WDR27: variants seen among roughly 807,000 people sequenced by gnomAD.
WDR27 encodes WD repeat domain 27.
WDR27 carries 100 observed loss-of-function variants against 114.4 expected under a neutral mutation model. The observed-to-expected ratio is 0.87, with a 90% CI of 0.74 to 1.03. The LOEUF is 1.03. Among genes scored for constraint, WDR27 ranks in the 50% least tolerant of loss-of-function variants. The pLI, the probability that WDR27 is intolerant of heterozygous loss-of-function variation, is 0.00. For synonymous variants in WDR27, 449 were observed against 423.1 expected, an observed-to-expected ratio of 1.06 and a Z score of -0.75; for missense variants, 1,129 against 1,092.9, an observed-to-expected ratio of 1.03 and a Z score of -0.47.
intron 2 of WDR27, among the ~76,000 whole-genome samples, chr6:169,679,572 C>G (rs900104168): frequency 6.6e-6 from 1 of 152,102 alleles, no homozygotes; most frequent in African/African-American, 2.4e-5. Flanking sequence ...TGAGTGAGTT[C>G]TCATGAAATC....
chr6:169,640,824 G>A (rs111757874), intron 17 of WDR27, among the ~76,000 whole-genome samples: 2 of 119,678 alleles, frequency 1.7e-5, no homozygotes, highest in African/African-American at 7.0e-5. Context: ...CCACTGCCTG[G>A]CTGCAAGAGG....
intron 20 of WDR27, among the ~76,000 whole-genome samples, chr6:169,633,945 C>T (rs1176458655): frequency 2.0e-5 from 3 of 152,156 alleles, no homozygotes; most frequent in Admixed American, 2.0e-4. Flanking sequence ...AAACTTTATA[C>T]AATGAATTCC....
intron 25 of WDR27, among the ~76,000 whole-genome samples, chr6:169,524,018 A>G (rs148583821): frequency 0.015 from 2,286 of 152,246 alleles, 30 homozygotes; most frequent in Middle Eastern, 0.02. Flanking sequence ...CACAAATGAC[A>G]TGATCTTGTA....
intron 25 of WDR27, among the ~76,000 whole-genome samples, chr6:169,544,071 T>G (rs1443686999): frequency 1.3e-5 from 2 of 152,202 alleles, no homozygotes; most frequent in Non-Finnish European, 2.9e-5. Flanking sequence ...TATGATAAAC[T>G]CAGCAATTCA....
intron 14 of WDR27, 60 bp from the exon 15 acceptor site, chr6:169,649,335 G>T: frequency 7.1e-7 from 1 of 1,401,796 alleles, no homozygotes; most frequent in East Asian, 2.5e-5. Context: ...TTTCTTAAGA[G>T]ATTTATATTT....
chr6:169,526,863 C>A (rs1173012874), intron 25 of WDR27, among the ~76,000 whole-genome samples: 1 of 152,082 alleles, frequency 6.6e-6, no homozygotes, highest in Non-Finnish European at 1.5e-5. Context: ...ATAGACATTT[C>A]TCCAAAGAAG....
intron 4 of WDR27, 138 bp from the exon 5 acceptor site, chr6:169,668,323 C>T (rs910961378): frequency 1.2e-6 from 1 of 826,594 alleles, no homozygotes; most frequent in Non-Finnish European, 1.9e-6. Flanking sequence ...TAAAAGCCGA[C>T]ACTGACTGGA....
chr6:169,556,687 T>C (rs926448), intron 25 of WDR27, among the ~76,000 whole-genome samples: 147,463 of 152,316 alleles, frequency 0.97, 71,410 homozygotes, highest in African/African-American at 0.99. Context: ...AAGCAACCCA[T>C]AGATTAGGGG....
At chr6:169,552,653 G>C (rs978781892) in intron 25 of WDR27, among the ~76,000 whole-genome samples, 1 of 152,182 alleles carries the variant, frequency 6.6e-6, no homozygotes, top group Admixed American at 6.5e-5. Context: ...GCTCTAAATT[G>C]ATCAACTGCC....
At chr6:169,597,835 G>T (rs1361134533) in intron 23 of WDR27, among the ~76,000 whole-genome samples, 4 of 147,854 alleles carry the variant, frequency 2.7e-5, no homozygotes, top group African/African-American at 1.0e-4. Context: ...TCAAAAAAAA[G>T]TTCTGCCAAT....
At position 169,688,937 on chromosome 6, in the gene WDR27, G is replaced by A; in HGVS notation, c.69C>T (p.Tyr23=). The change falls in exon 2 of 26, where the codon TAC becomes TAT. Residue 23 remains tyrosine, a synonymous_variant. Coordinates refer to ENST00000448612, the MANE Select transcript of WDR27 (RefSeq NM_182552.5). ...ACACAGACTCCTTGGATTCAACCAG[G>A]TATTTTTCTATAACTATATCACTTA... ...GCLSDIVIEK[Y]LVESKESVSH... The A allele has an allele frequency of 4.3e-6, 7 of 1,613,810 alleles. No homozygotes were observed. Among genetic ancestry groups the A allele is most frequent in the Non-Finnish European group, 5.9e-6 (7 of 1,179,820 alleles).
chr6:169,607,391 T>C (rs1201946461), intron 22 of WDR27, among the ~76,000 whole-genome samples: 4 of 87,386 alleles, frequency 4.6e-5, no homozygotes, highest in Non-Finnish European at 9.5e-5. Context: ...CTTGTGTGTG[T>C]ATACACACAC....
Position 169,593,852 on chromosome 6 carries a change from A to C in WDR27, c.2424+8367T>G, listed in dbSNP as rs564817301. Among the ~76,000 whole-genome samples, 298 of 135,144 alleles carry C rather than the reference A, an allele frequency of 2.2e-3. 1 individual carries two copies. The highest frequency in any genetic ancestry group is 6.4e-3 in the African/African-American group (258 of 40,272). 88.7% of individuals were successfully genotyped at this position (135,144 alleles called of 152,430 possible). A position where few individuals can be genotyped will look rare whatever the true frequency, so the allele number is the denominator to read the frequency against. ...CAACAGAGCAAGACTCTGTCTCAAA[A>C]AAACAAACAAACAAACAAACAAACA... On this transcript the variant is annotated intron_variant, in intron 23 of 25. Coordinates refer to ENST00000448612, the MANE Select transcript of WDR27 (RefSeq NM_182552.5).
At chr6:169,600,832 G>A (rs9396982) in intron 23 of WDR27, among the ~76,000 whole-genome samples, 66,676 of 152,114 alleles carry the variant, frequency 0.44, 17,020 homozygotes, top group East Asian at 0.97. Context: ...ACAATTCTAC[G>A]TCTGATTGGT....
At chr6:169,502,781 T>C (rs78322605) in intron 25 of WDR27, among the ~76,000 whole-genome samples, 1,887 of 152,182 alleles carry the variant, frequency 0.012, 33 homozygotes, top group African/African-American at 0.038. Context: ...TCTTCAACCT[T>C]GCATTTCCCA....
At chr6:169,651,688 G>A (rs1202450233) in intron 14 of WDR27, among the ~76,000 whole-genome samples, 3 of 152,146 alleles carry the variant, frequency 2.0e-5, no homozygotes, top group African/African-American at 7.2e-5. Context: ...TATCAGAAAA[G>A]GACTCGGAGG....
chr6:169,532,985 T>G (rs1361069928), intron 25 of WDR27, among the ~76,000 whole-genome samples: 4 of 151,906 alleles, frequency 2.6e-5, no homozygotes, highest in Non-Finnish European at 4.4e-5. Flanking sequence ...AACATATATA[T>G]GTGTGTGTCA....
intron 25 of WDR27, among the ~76,000 whole-genome samples, chr6:169,470,983 C>T (rs1786298170): frequency 6.6e-6 from 1 of 152,100 alleles, no homozygotes; most frequent in Admixed American, 6.5e-5. Flanking sequence ...CACCCTCAGA[C>T]CCACTAAGTG....
At chr6:169,451,016 T>C in the WDR27 span, among the ~76,000 whole-genome samples, 3 of 152,162 alleles carry the variant, frequency 2.0e-5, no homozygotes, top group Non-Finnish European at 4.4e-5. Flanking sequence ...CTAAATAAGA[T>C]AGCTACAAAG....
Sources: allele counts gnomAD v4.1 joint callset (sites outside exome capture counted in the v4.1 genomes callset), GRCh38; gene constraint gnomAD v4.1.1; transcripts MANE v1.5; gene names NCBI Gene and HGNC (gene_info 2026-07-23, HGNC 2026-07-21).